Variants in SF3B2 observed in about 807,000 individuals in gnomAD.
SF3B2 encodes the protein splicing factor 3b subunit 2, also known as SAP 145.
A neutral mutation model predicts 116.3 loss-of-function variants in SF3B2; 22 were observed. That is an observed-to-expected ratio of 0.19 (90% CI 0.14 to 0.27). The LOEUF is 0.27. Ranked by LOEUF, SF3B2 falls within the 10% of genes least tolerant of loss-of-function variation. The pLI, the probability that SF3B2 is intolerant of heterozygous loss-of-function variation, is 1.00. For missense variants in SF3B2, 767 were observed against 1,151.4 expected (o/e 0.67, Z 4.83); for synonymous variants, 406 against 421.6 (o/e 0.96, Z 0.45).
At chr11:66,063,310 T>C (rs1590716265) in intron 17 of SF3B2, 90 bp from the exon 18 acceptor site, 2 of 1,314,590 alleles carry the variant, frequency 1.5e-6, no homozygotes, top group East Asian at 2.4e-5. Flanking sequence ...TTATTGTGTT[T>C]TGACTCTTAC....
chr11:66,058,385 G>T lies in SF3B2; in HGVS notation c.946G>T (p.Val316Leu). 6.2e-7 allele frequency: 1 copy of T among 1,614,034 alleles called. No homozygotes were observed. The change falls in exon 9 of 22, where the codon GTG becomes TTG. Residue 316 changes from valine to leucine, a missense_variant. Around this residue, in one of 4 missense-constraint regions of SF3B2, gnomAD observed 455 missense variants for 537.5 expected, o/e 0.85. Coordinates refer to ENST00000322535, the MANE Select transcript of SF3B2 (RefSeq NM_006842.3). ...QSASETEEDT[V>L]SVSKKEKNRK... is the part of the protein sequence containing the mutation. ...AGCGTCAGAGACTGAGGAGGACACA[G>T]TGTCCGTATCTAAAAAGGAGGTAGG...
chr11:66,068,547 C>T (rs990937805), intron 21 of SF3B2, 127 bp from the exon 22 acceptor site: 8 of 902,774 alleles, frequency 8.9e-6, no homozygotes, highest in African/African-American at 8.4e-5. Context: ...AGAGGGAGCT[C>T]GAAGAGAATT....
chr11:66,068,558 C>A, intron 21 of SF3B2, 116 bp from the exon 22 acceptor site: 1 of 963,568 alleles, frequency 1.0e-6, no homozygotes, highest in Non-Finnish European at 1.6e-6. Context: ...GAAGAGAATT[C>A]AGATTCAGCG....
At chr11:66,055,900 A>G (rs752011590) in intron 5 of SF3B2, 12 of 340,818 alleles carry the variant, frequency 3.5e-5, no homozygotes, top group African/African-American at 1.9e-4. Context: ...CTTCTGACCT[A>G]TTATAAAAAG....
intron 19 of SF3B2, 107 bp from the exon 20 acceptor site, chr11:66,067,836 CAGA>C: frequency 1.2e-6 from 1 of 808,340 alleles, no homozygotes; most frequent in South Asian, 1.6e-5. Flanking sequence ...TTGGGGAGCT[CAGA>C]AGCTCTCCAA....
At chr11:66,055,811 T>G (rs1856983812) in intron 5 of SF3B2, 1 of 518,722 alleles carries the variant, frequency 1.9e-6, no homozygotes, top group Admixed American at 3.6e-5. Flanking sequence ...TTTAAAATTT[T>G]TTAAGGGTTA....
intron 19 of SF3B2, chr11:66,066,725 T>C (rs1565092687): frequency 6.6e-6 from 1 of 152,364 alleles, no homozygotes; most frequent in Non-Finnish European, 1.5e-5. Context: ...CAGTTCTGAG[T>C]GAGCAGCAGT....
rs749980953 is a variant in SF3B2, at chr11:66,058,842, C to G, written c.979C>G (p.Arg327Gly). 1.9e-6 allele frequency: 3 copies of G among 1,610,484 alleles called. No individual in the cohort carries two copies. The Admixed American group carries it at 5.0e-5, about 27-fold the overall frequency. ...SVSKKEKNRK[R>G]RNRKKKKKPQ... ...CTCCTCTTGACAGAAAAACCGGAAG[C>G]GTAGGAACCGAAAGAAGAAGAAAAA... The change falls in exon 10 of 22, where the codon CGT (arginine) becomes GGT (glycine). Residue 327 changes from arginine (R) to glycine (G), a missense_variant. Coordinates refer to ENST00000322535, the MANE Select transcript of SF3B2 (RefSeq NM_006842.3).
intron 8 of SF3B2, 32 bp from the exon 9 acceptor site, chr11:66,058,282 G>GT (rs1466932219): frequency 1.2e-6 from 2 of 1,600,892 alleles, no homozygotes; most frequent in Middle Eastern, 1.7e-4. Context: ...CAGTGGCACC[G>GT]TGAAGACTCA....
chr11:66,067,081 A>C, intron 19 of SF3B2: 1 of 227,514 alleles, frequency 4.4e-6, no homozygotes, highest in Non-Finnish European at 8.9e-6. Context: ...GTGTCTTGAA[A>C]ACCACTGTTT....
intron 5 of SF3B2, 21 bp downstream of exon 5, chr11:66,055,606 C>T: frequency 6.2e-7 from 1 of 1,613,166 alleles, no homozygotes; most frequent in Non-Finnish European, 8.5e-7. Context: ...TCCCCCTAAC[C>T]TTTGACCTCG....
chr11:66,055,882 ATATTT>A (rs1856985132), intron 5 of SF3B2: 3 of 387,734 alleles, frequency 7.7e-6, no homozygotes, highest in Non-Finnish European at 9.1e-6. Flanking sequence ...AAAGCCTAAA[ATATTT>A]ACCTTCTGAC....
rs540987334 is a variant in SF3B2, at chr11:66,061,543, G to A, written c.1780-143G>A. On this transcript the variant is annotated intron_variant, in intron 14 of 21. Coordinates refer to ENST00000322535, the MANE Select transcript of SF3B2 (RefSeq NM_006842.3). Reference sequence around the variant, plus strand: ...CTGGCCTGGTTTTTATTCCTTCCCCGACTTTGGCCAGGGAAAGAAGTGATG... The same window carrying A: ...CTGGCCTGGTTTTTATTCCTTCCCCAACTTTGGCCAGGGAAAGAAGTGATG... 1.0e-3 allele frequency: 706 copies of A among 681,544 alleles called. 1 individual carries two copies. The highest frequency in any genetic ancestry group is 2.8e-3 in the Admixed American group (124 of 44,698). The allele number at this position is 681,544 out of a possible 1,614,324, so 42.2% of individuals were successfully genotyped here.
Position 66,058,950 on chromosome 11 carries a change from C to T in SF3B2, c.1087C>T (p.Pro363Ser), listed in dbSNP as rs1387521239. 1 of 1,614,190 alleles carries T rather than the reference C, an allele frequency of 6.2e-7. No individual in the cohort carries two copies. Among genetic ancestry groups the T allele is most frequent in the Admixed American group, 1.7e-5 (1 of 60,014 alleles). Residue 363 changes from proline (P) to serine (S), a missense_variant, in exon 10 of 22, where the codon CCA (proline) becomes TCA (serine). Transcript: ENST00000322535. ...AACCCGGTCCCGTGGCTCTGATTCC[C>T]CAGCAGCTGATGTTGAGATTGAGTA... ...DSTRSRGSDS[P>S]AADVEIEYVT...
intron 9 of SF3B2, 125 bp downstream of exon 9, chr11:66,058,530 C>G (rs776143837): frequency 8.6e-5 from 62 of 720,044 alleles, no homozygotes; most frequent in Admixed American, 4.9e-4. Flanking sequence ...CCCTCAGCAT[C>G]TTATAGATAT....
chr11:66,064,664 G>A (rs906109286), intron 19 of SF3B2: 1 of 151,928 alleles, frequency 6.6e-6, no homozygotes, highest in Admixed American at 6.6e-5. Flanking sequence ...CTGCCTGAAG[G>A]GCTTCCTTTA....
At position 66,058,064 on chromosome 11, in the gene SF3B2, C is replaced by A. The variant is rs775568977; in HGVS notation, c.788C>A (p.Pro263His). The A allele has an allele frequency of 1.9e-6, 3 of 1,609,502 alleles. No individual in the cohort carries two copies. Reference sequence around the variant, plus strand: ...GGGTGTCTCTGGCAGATGGATGACCCCTCTGTGGGCCCCAAGATCCCCCAG... The same window carrying A: ...GGGTGTCTCTGGCAGATGGATGACCACTCTGTGGGCCCCAAGATCCCCCAG... ...PGDENREMDD[P>H]SVGPKIPQAL... The change falls in exon 8 of 22, where the codon CCC becomes CAC. Residue 263 changes from proline to histidine, a missense_variant. Transcript: ENST00000322535.
chr11:66,052,374 C>G lies in SF3B2; in HGVS notation c.-11C>G. The G allele has an allele frequency of 6.2e-7, 1 of 1,607,548 alleles. No homozygotes were observed. Among genetic ancestry groups the G allele is most frequent in the East Asian group, 2.2e-5 (1 of 44,598 alleles). ...GCTTCCGGGTTGGTCGCGCGCCTTCCTGCGGCTAAGATGGCGACGGAGCAT... is the reference window on the plus strand; with the variant it reads ...GCTTCCGGGTTGGTCGCGCGCCTTCGTGCGGCTAAGATGGCGACGGAGCAT... On this transcript the variant is annotated 5_prime_UTR_variant, in exon 1 of 22. Transcript: ENST00000322535.
At chr11:66,055,816 G>A (rs1423007811) in intron 5 of SF3B2, 1 of 513,074 alleles carries the variant, frequency 1.9e-6, no homozygotes, top group Non-Finnish European at 3.4e-6. Context: ...AATTTTTTAA[G>A]GGTTATAAGA....
Sources: gnomAD v4.1 joint callset for allele counts on GRCh38, gnomAD v4.1.1 for gene constraint, gnomAD v4.1.1 regional missense constraint, MANE v1.5 for transcripts, NCBI Gene and HGNC (gene_info 2026-07-23, HGNC 2026-07-21) for gene names.